The following MBNL1 variants were observed in gnomAD, a reference collection of about 807,000 sequenced individuals.
MBNL1 encodes the protein muscleblind like splicing regulator 1.
Under a neutral mutation model 42.2 loss-of-function variants are expected in MBNL1, and 8 were observed. The observed-to-expected ratio is 0.19, with a 90% CI of 0.11 to 0.34. The LOEUF is 0.34. Ranked by LOEUF, MBNL1 falls within the 10% of genes least tolerant of loss-of-function variation. The pLI is 1.00. For synonymous variants in MBNL1, 169 were observed against 173.9 expected (o/e 0.97, Z 0.22); for missense variants, 309 against 495.3 (o/e 0.62, Z 3.57).
chr3:152,411,180 G>T (rs1377248840), intron 2 of MBNL1, among the ~76,000 whole-genome samples: 1 of 152,144 alleles, frequency 6.6e-6, no homozygotes, highest in Non-Finnish European at 1.5e-5. Flanking sequence ...AGCTCTATTT[G>T]ATAAAATTAT....
intron 3 of MBNL1, among the ~76,000 whole-genome samples, chr3:152,419,147 T>C (rs1286395067): frequency 1.3e-5 from 2 of 152,238 alleles, no homozygotes; most frequent in East Asian, 3.8e-4. Context: ...ATTGACATTC[T>C]GCTGTCATTC....
At chr3:152,326,993 G>C (rs1459199025) in intron 2 of MBNL1, among the ~76,000 whole-genome samples, 2 of 151,756 alleles carry the variant, frequency 1.3e-5, no homozygotes, top group Non-Finnish European at 2.9e-5. Flanking sequence ...ATTTTTAGTA[G>C]AGATGGGGTT....
intron 2 of MBNL1, among the ~76,000 whole-genome samples, chr3:152,312,186 C>A (rs1399496219): frequency 8.0e-6 from 1 of 125,038 alleles, no homozygotes; most frequent in Non-Finnish European, 1.6e-5. Flanking sequence ...AGCGAGACTC[C>A]GTCTCAAAAA....
intron 2 of MBNL1, among the ~76,000 whole-genome samples, chr3:152,310,455 A>G (rs189556564): frequency 1.6e-4 from 24 of 152,346 alleles, no homozygotes; most frequent in African/African-American, 4.6e-4. Context: ...TAACTTGTTT[A>G]AATAGCAAGA....
At chr3:152,316,703 AG>A (rs2071796629) in intron 2 of MBNL1, among the ~76,000 whole-genome samples, 1 of 152,108 alleles carries the variant, frequency 6.6e-6, no homozygotes, top group Non-Finnish European at 1.5e-5. Context: ...TACTGCTGAG[AG>A]GTTCTGGGAA....
In MBNL1 at chr3:152,245,351, G is replaced by A. The variant is rs144113422; in HGVS notation, n.333+911G>A. Among the ~76,000 whole-genome samples the A allele has an allele frequency of 1.9e-4, 29 of 152,272 alleles. No homozygotes were observed. In the East Asian group the frequency reaches 3.9e-3, roughly 20 times the overall value. On this transcript the variant is annotated intron_variant and non_coding_transcript_variant, in intron 2 of 2. Transcript: ENST00000477171. ...TACTTTGGTAAAAACATTAAGGAGT[G>A]TTTAATACAGCTTTGAGAAGAAAAA...
At chr3:152,295,166 A>G (rs983602961) in intron 1 of MBNL1, among the ~76,000 whole-genome samples, 2 of 152,216 alleles carry the variant, frequency 1.3e-5, no homozygotes, top group African/African-American at 4.8e-5. Context: ...GTACAAATCT[A>G]TGTTGATAAT....
intron 4 of MBNL1, among the ~76,000 whole-genome samples, chr3:152,440,899 TC>T (rs1322194686): frequency 6.6e-6 from 1 of 152,210 alleles, no homozygotes. Flanking sequence ...GCTTGTTAGT[TC>T]CAGCTTAATA....
intron 2 of MBNL1, among the ~76,000 whole-genome samples, chr3:152,248,281 A>G (rs1197564265): frequency 6.6e-6 from 1 of 152,068 alleles, no homozygotes; most frequent in African/African-American, 2.4e-5. Flanking sequence ...ATAAAATACA[A>G]TCATATATCT....
At chr3:152,286,935 G>A (rs1018718066) in intron 1 of MBNL1, among the ~76,000 whole-genome samples, 14 of 152,050 alleles carry the variant, frequency 9.2e-5, no homozygotes, top group African/African-American at 2.7e-4. Flanking sequence ...AGTTGTATAT[G>A]GTGGCCGGGC....
chr3:152,368,374 C>A (rs781660992), intron 2 of MBNL1, among the ~76,000 whole-genome samples: 2 of 152,118 alleles, frequency 1.3e-5, no homozygotes, highest in African/African-American at 2.4e-5. Flanking sequence ...GTCTATATAT[C>A]TGTTTTGCTA....
intron 2 of MBNL1, among the ~76,000 whole-genome samples, chr3:152,347,119 C>A (rs866354186): frequency 6.6e-6 from 1 of 151,976 alleles, no homozygotes; most frequent in South Asian, 2.1e-4. Context: ...AATTTTGGAG[C>A]TATGCTGACA....
chr3:152,338,176 T>G, intron 2 of MBNL1: 2 of 985,464 alleles, frequency 2.0e-6, no homozygotes, highest in Non-Finnish European at 2.4e-6. Context: ...GATGCTAGAA[T>G]GGCCTATCTC....
At chr3:152,279,832 G>A (rs2047376992) in intron 1 of MBNL1, among the ~76,000 whole-genome samples, 1 of 152,092 alleles carries the variant, frequency 6.6e-6, no homozygotes, top group South Asian at 2.1e-4. Flanking sequence ...ATTATTTTAT[G>A]CTTTTATGTT....
chr3:152,425,262 CAAAAG>C (rs764308400), intron 3 of MBNL1, among the ~76,000 whole-genome samples: 1 of 151,318 alleles, frequency 6.6e-6, no homozygotes, highest in Non-Finnish European at 1.5e-5. Context: ...AGACACTTCT[CAAAAG>C]AAGACATTTA....
chr3:152,446,884 C>T (rs941893457), intron 5 of MBNL1: 29 of 729,668 alleles, frequency 4.0e-5, no homozygotes, highest in Non-Finnish European at 5.5e-5. Context: ...AATGAAAAAA[C>T]TGAGTGTGGT....
At chr3:152,322,648 A>G (rs1366789711) in intron 2 of MBNL1, among the ~76,000 whole-genome samples, 1 of 152,022 alleles carries the variant, frequency 6.6e-6, no homozygotes. Context: ...AGTTTTATTG[A>G]TTGATTTTTT....
chr3:152,369,337 G>C (rs553634188), intron 2 of MBNL1, among the ~76,000 whole-genome samples: 1 of 152,184 alleles, frequency 6.6e-6, no homozygotes, highest in Non-Finnish European at 1.5e-5. Context: ...TGTTGAACCA[G>C]CCTAGCACCC....
In MBNL1 at chr3:152,369,374, T is replaced by C. The variant is rs576850159; in HGVS notation, c.175-45567T>C. Among the ~76,000 whole-genome samples, 3 of 152,324 alleles carry C rather than the reference T, an allele frequency of 2.0e-5. No individual in the cohort carries two copies. In the South Asian group the frequency reaches 6.2e-4, roughly 32 times the overall value. Reference sequence around the variant, plus strand: ...AGGGATGAAGCTGACTTGATTGTGGTGGACATGCCTTTTGATGTGCTCTGG... The same window carrying C: ...AGGGATGAAGCTGACTTGATTGTGGCGGACATGCCTTTTGATGTGCTCTGG... On this transcript the variant is annotated intron_variant, in intron 2 of 9. Transcript: ENST00000324210.
Sources: allele counts gnomAD v4.1 joint callset (sites outside exome capture counted in the v4.1 genomes callset), GRCh38; gene constraint gnomAD v4.1.1; transcripts MANE v1.5; gene names NCBI Gene and HGNC (gene_info 2026-07-23, HGNC 2026-07-21).